The following ADCY3 variants were observed in gnomAD, a reference collection of about 807,000 sequenced individuals.
The protein encoded by ADCY3 is adenylate cyclase 3, also known as adenylate cyclase type 3.
Under a neutral mutation model 119.4 loss-of-function variants are expected in ADCY3, and 70 were observed. The ratio of observed to expected loss-of-function variants is 0.59; its 90% confidence interval spans 0.48 to 0.72. ADCY3 has a LOEUF of 0.72. Ranked by LOEUF, ADCY3 falls within the 30% of genes least tolerant of loss-of-function variation. ADCY3 has a pLI of 0.00. For synonymous variants in ADCY3, 672 were observed against 621.4 expected (o/e 1.08, Z -1.21); for missense variants, 1,238 against 1,541.6 (o/e 0.80, Z 3.30).
At chr2:24,824,833 T>C (rs913836103) in intron 16 of ADCY3, among the ~76,000 whole-genome samples, 7 of 152,018 alleles carry the variant, frequency 4.6e-5, no homozygotes, top group African/African-American at 1.7e-4. Context: ...GAGGTTGCAG[T>C]GAGCCGAGAT....
At chr2:24,825,861 C>T (rs1467581279) in intron 16 of ADCY3, 184 bp downstream of exon 16, 1 of 626,362 alleles carries the variant, frequency 1.6e-6, no homozygotes, top group Non-Finnish European at 2.9e-6. Flanking sequence ...GAGGAACTGT[C>T]TTCCTGTGTG....
intron 2 of ADCY3, among the ~76,000 whole-genome samples, chr2:24,903,575 C>T (rs2149006287): frequency 6.6e-6 from 1 of 152,232 alleles, no homozygotes; most frequent in South Asian, 2.1e-4. Flanking sequence ...GGTGTGAGGA[C>T]TAAGTGACAT....
intron 19 of ADCY3, chr2:24,822,272 G>A (rs1667865145): frequency 2.1e-6 from 1 of 465,758 alleles, no homozygotes; most frequent in Non-Finnish European, 3.7e-6. Flanking sequence ...CCTGGCCACA[G>A]AACACAACCA....
At chr2:24,832,810 A>C (rs1172821621) in intron 11 of ADCY3, among the ~76,000 whole-genome samples, 2 of 152,072 alleles carry the variant, frequency 1.3e-5, no homozygotes, top group African/African-American at 2.4e-5. Context: ...GCTTGTGGGC[A>C]CTGCAAACTT....
In ADCY3 at chr2:24,848,957, G is replaced by GC. The variant is rs572997786; in HGVS notation, c.826-6574dup. Among the ~76,000 whole-genome samples the GC allele has an allele frequency of 5.1e-3, 771 of 151,882 alleles. 4 individuals carry two copies. The highest frequency in any genetic ancestry group is 0.014 in the African/African-American group (577 of 41,422). On this transcript the variant is annotated intron_variant, in intron 3 of 21. Transcript: ENST00000679454. Reference sequence around the variant, plus strand: ...GGCCCTGCCTTCCATTTGAGTCTCAGCCCCCCCCGCCACGTGTGCATTCAG... The same window carrying GC: ...GGCCCTGCCTTCCATTTGAGTCTCAGCCCCCCCCCGCCACGTGTGCATTCAG...
chr2:24,883,080 T>C (rs1437600804), intron 2 of ADCY3, among the ~76,000 whole-genome samples: 1 of 150,494 alleles, frequency 6.6e-6, no homozygotes, highest in Non-Finnish European at 1.5e-5. Context: ...CCAGGCGCGG[T>C]GGCTCAAGCC....
rs1015193082 is a variant in ADCY3, at chr2:24,830,809, A to G, written c.2072T>C (p.Leu691Pro). The change falls in exon 13 of 22, where the codon CTT becomes CCT. Residue 691 changes from leucine to proline, a missense_variant. Physicochemically the swap from Leu to Pro is moderately conservative, Grantham distance 98 (BLOSUM62 -3). Transcript: ENST00000679454. ...AIFPRAFPKK[L>P]VAFSTWIDRT... ...GTCAATCCAAGTTGAGAAGGCCACA[A>G]GCTTCTTAGGAAAGGCCTAGAAGGA... 6.2e-7 allele frequency: 1 copy of G among 1,614,006 alleles called. No individual in the cohort carries two copies. The highest frequency in any genetic ancestry group is 8.5e-7 in the Non-Finnish European group (1 of 1,179,960).
chr2:24,883,850 CTT>C (rs1350689627), intron 2 of ADCY3, among the ~76,000 whole-genome samples: 2 of 152,186 alleles, frequency 1.3e-5, no homozygotes, highest in African/African-American at 2.4e-5. Flanking sequence ...CCCTTATTCT[CTT>C]GTGTTTGTGG....
In ADCY3 at chr2:24,920,148, C is replaced by G. The variant is rs956139365; in HGVS notation, c.-663G>C. On this transcript the variant is annotated 5_prime_UTR_variant, in exon 1 of 22. Coordinates refer to ENST00000679454, the MANE Select transcript of ADCY3 (RefSeq NM_004036.5). This position sits in a 1 kb window ranked among gnomAD's most constrained non-coding sequence, Gnocchi z 4.5. ...GCCCGCCAGCATCCTCTCGCCCGCCCGCGCCGAGCCGAGCCAGCCGAGTCC... is the reference window on the plus strand; with the variant it reads ...GCCCGCCAGCATCCTCTCGCCCGCCGGCGCCGAGCCGAGCCAGCCGAGTCC... 6.8e-6 allele frequency among the ~76,000 whole-genome samples: 1 copy of G among 146,240 alleles called. No homozygotes were observed. The highest frequency in any genetic ancestry group is 6.8e-5 in the Admixed American group (1 of 14,746).
At chr2:24,880,751 C>A (rs1187686504) in intron 2 of ADCY3, among the ~76,000 whole-genome samples, 1 of 152,200 alleles carries the variant, frequency 6.6e-6, no homozygotes, top group Admixed American at 6.5e-5. Flanking sequence ...CATGGTGGCT[C>A]ACGCCTGTAA....
chr2:24,901,028 G>A (rs2148990600), intron 2 of ADCY3, among the ~76,000 whole-genome samples: 1 of 152,262 alleles, frequency 6.6e-6, no homozygotes, highest in South Asian at 2.1e-4. Flanking sequence ...TCATGCCATT[G>A]CACTCCAGCC....
At chr2:24,851,639 C>A (rs1054897099) in intron 3 of ADCY3, among the ~76,000 whole-genome samples, 1 of 152,124 alleles carries the variant, frequency 6.6e-6, no homozygotes. Context: ...ATGTGAAGGT[C>A]CCCCCAGTGC....
In ADCY3 at chr2:24,841,588, C is replaced by T. The variant is rs751298086; in HGVS notation, c.1036G>A (p.Glu346Lys). 1 of 1,613,456 alleles carries T rather than the reference C, an allele frequency of 6.2e-7. No individual in the cohort carries two copies. The highest frequency in any genetic ancestry group is 8.5e-7 in the Non-Finnish European group (1 of 1,179,968). The change falls in exon 5 of 22, where the codon GAG (glutamate) becomes AAG (lysine). Residue 346 changes from glutamate (E) to lysine (K), a missense_variant. By Grantham distance (56) the Glu-to-Lys change is moderately conservative. This residue lies in a region of ADCY3 where 283 missense variants were observed against 437.2 expected (regional missense o/e 0.65). Transcript: ENST00000679454. This position sits in a 1 kb window ranked among gnomAD's most constrained non-coding sequence, Gnocchi z 5.8. Reference protein sequence around the residue: ...SAQELVKLLNELFARFDKLAA... With the variant: ...SAQELVKLLNKLFARFDKLAA... ...AGCTTGTCAAAGCGGGCAAAGAGCT[C>T]GTTGAGCAGCTTCACAAGCTCCTGG...
intron 3 of ADCY3, among the ~76,000 whole-genome samples, chr2:24,863,726 A>G (rs889453558): frequency 1.3e-5 from 2 of 152,200 alleles, no homozygotes; most frequent in Admixed American, 6.5e-5. Context: ...CTTGCCAAAT[A>G]TTACACAGTG....
At position 24,841,781 on chromosome 2, in the gene ADCY3, C is replaced by A; in HGVS notation, c.957-114G>T. ...AGCCAGGATCAGGGCAGGAGAAGGT[C>A]CTCCCTCACGACCCCCAGACAGTGA... On this transcript the variant is annotated intron_variant, in intron 4 of 21. Coordinates refer to ENST00000679454, the MANE Select transcript of ADCY3 (RefSeq NM_004036.5). This position sits in a 1 kb window ranked among gnomAD's most constrained non-coding sequence, Gnocchi z 5.8. 1 of 751,144 alleles carries A rather than the reference C, an allele frequency of 1.3e-6. No homozygotes were observed. Among genetic ancestry groups the A allele is most frequent in the Non-Finnish European group, 2.3e-6 (1 of 438,946 alleles). 46.5% of individuals were successfully genotyped at this position (751,144 alleles called of 1,614,324 possible). A position where few individuals can be genotyped will look rare whatever the true frequency, so the allele number is the denominator to read the frequency against.
rs752251382 is a variant in ADCY3 at position 24,834,504 on chromosome 2, C to T, written c.1948G>A (p.Glu650Lys). The T allele has an allele frequency of 1.3e-5, 21 of 1,611,454 alleles. No homozygotes were observed. Among genetic ancestry groups the T allele is most frequent in the Non-Finnish European group, 1.7e-5 (20 of 1,178,868 alleles). ...CCTCACCAGGGGTCGATGAGTATCT[C>T]GACCAGGGCCGTGCAGAGCAGGACG... ...CVVLLCTALV[E>K]ILIDPWLMTN... The change falls in exon 11 of 22, where the codon GAG becomes AAG. Residue 650 changes from glutamate (E) to lysine (K), a missense_variant. Physicochemically the swap from Glu to Lys is moderately conservative, Grantham distance 56. Around this residue, in one of 7 missense-constraint regions of ADCY3, gnomAD observed 499 missense variants for 571.0 expected, o/e 0.87. Coordinates refer to ENST00000679454, the MANE Select transcript of ADCY3 (RefSeq NM_004036.5). This position sits in a 1 kb window ranked among gnomAD's most constrained non-coding sequence, Gnocchi z 4.2.
At chr2:24,825,061 G>A (rs1188540741) in intron 16 of ADCY3, among the ~76,000 whole-genome samples, 9 of 152,152 alleles carry the variant, frequency 5.9e-5, no homozygotes, top group African/African-American at 2.2e-4. Flanking sequence ...AGATCCAGGA[G>A]GCCTTCCGTG....
At chr2:24,826,454 AAG>A in intron 15 of ADCY3, 1 of 245,098 alleles carries the variant, frequency 4.1e-6, no homozygotes, top group East Asian at 9.6e-5. Flanking sequence ...TTGGAGAAGC[AAG>A]AGACATCAGT....
chr2:24,916,732 C>G (rs531256825), intron 2 of ADCY3, among the ~76,000 whole-genome samples: 1 of 152,234 alleles, frequency 6.6e-6, no homozygotes, highest in East Asian at 1.9e-4. Flanking sequence ...AGAGATATGA[C>G]TGGTGTTTCC....
Sources: allele counts gnomAD v4.1 joint callset (sites outside exome capture counted in the v4.1 genomes callset), GRCh38; gene constraint gnomAD v4.1.1; regional missense constraint gnomAD v4.1.1; non-coding constraint Gnocchi (gnomAD v3.1); transcripts MANE v1.5; gene names NCBI Gene and HGNC (gene_info 2026-07-23, HGNC 2026-07-21).